Variants in FRMPD3 observed in about 807,000 individuals in gnomAD.
FRMPD3 encodes the protein FERM and PDZ domain-containing protein 3.
FRMPD3 carries 42 observed loss-of-function variants against 97.9 expected under a neutral mutation model. That is an observed-to-expected ratio of 0.43 (90% CI 0.34 to 0.55). The LOEUF (loss-of-function observed/expected upper bound fraction) is 0.55, where lower values mean the gene tolerates loss of function less well. Among genes scored for constraint, FRMPD3 ranks in the 20% least tolerant of loss-of-function variants. The probability of loss-of-function intolerance (pLI) is 0.03; values close to 1 mark genes in which losing one functional copy is unlikely to be tolerated. For synonymous variants in FRMPD3, 577 were observed against 581.1 expected, an observed-to-expected ratio of 0.99 and a Z score of 0.10; for missense variants, 1,303 against 1,457.7, an observed-to-expected ratio of 0.89 and a Z score of 1.73.
intron 1 of FRMPD3, among the ~76,000 whole-genome samples, chrX:107,463,260 C>G (rs1233467401): frequency 8.9e-6 from 1 of 112,504 alleles, no homozygotes; most frequent in Admixed American, 9.5e-5. Flanking sequence ...TATTTGAATA[C>G]ACATTTTTAA....
intron 1 of FRMPD3, among the ~76,000 whole-genome samples, chrX:107,522,038 G>A (rs1213200517): frequency 2.7e-5 from 3 of 111,832 alleles, no homozygotes; most frequent in Admixed American, 9.5e-5. Context: ...GGAGGGATCA[G>A]TTTAGCCCAC....
In FRMPD3 at chrX:107,572,908, C is replaced by CTACTACTAA. The variant is rs796610991; in HGVS notation, c.1297-3405_1297-3404insCTACTAATA. Among the ~76,000 whole-genome samples the CTACTACTAA allele has an allele frequency of 5.6e-3, 570 of 100,989 alleles. 8 individuals carry two copies. Among genetic ancestry groups the CTACTACTAA allele is most frequent in the African/African-American group, 0.02 (536 of 26,759 alleles). 87.7% of individuals were successfully genotyped at this position (100,989 alleles called of 115,157 possible). On this transcript the variant is annotated intron_variant, in intron 12 of 14. Transcript: ENST00000683843. ...ACTACTACTACTACTACTACTACTA[C>CTACTACTAA]TAATAATAATAATAATAATAAAGTA...
intron 1 of FRMPD3, among the ~76,000 whole-genome samples, chrX:107,509,427 C>T: frequency 9.0e-6 from 1 of 111,386 alleles, no homozygotes; most frequent in Non-Finnish European, 1.9e-5. Flanking sequence ...CTGGGCTGTG[C>T]CCCGGTTGTC....
chrX:107,525,905 A>T (rs373460283), intron 1 of FRMPD3, among the ~76,000 whole-genome samples: 108 of 109,050 alleles, frequency 9.9e-4, no homozygotes, highest in African/African-American at 3.5e-3. Context: ...GCGAAACCCC[A>T]CCTCTACTAA....
chrX:107,465,639 G>A (rs185404140), intron 1 of FRMPD3, among the ~76,000 whole-genome samples: 1 of 111,323 alleles, frequency 9.0e-6, no homozygotes, highest in African/African-American at 3.3e-5. Flanking sequence ...ATAATGTGTG[G>A]CACAAAACAG....
chrX:107,459,880 TACATACAC>T (rs1931436679), intron 1 of FRMPD3, among the ~76,000 whole-genome samples: 1 of 55,693 alleles, frequency 1.8e-5, no homozygotes, highest in African/African-American at 8.1e-5. Context: ...CACGCAAGCA[TACATACAC>T]ACACACACAC....
chrX:107,451,244 CG>C (rs942632635), intron 1 of FRMPD3, among the ~76,000 whole-genome samples: 1 of 111,990 alleles, frequency 8.9e-6, no homozygotes, highest in African/African-American at 3.2e-5. Context: ...TTACGGAGGG[CG>C]GGGCAGTCTC....
chrX:107,460,424 T>A (rs1931450098), intron 1 of FRMPD3, among the ~76,000 whole-genome samples: 1 of 108,918 alleles, frequency 9.2e-6, no homozygotes, highest in Non-Finnish European at 1.9e-5. Context: ...AGGATCTCGG[T>A]CTGTTGCCTA....
chrX:107,601,269 C>A lies in FRMPD3; in HGVS notation c.3230C>A (p.Ala1077Asp), dbSNP rs1474229380. ...AGCCGAGAGTCAGTGGGCAAGCAAGCTACAGGGGAGGTGGCAGGCAAAGGC... is the reference window on the plus strand; with the variant it reads ...AGCCGAGAGTCAGTGGGCAAGCAAGATACAGGGGAGGTGGCAGGCAAAGGC... ...RTSRESVGKQ[A>D]TGEVAGKGGP... is the part of the protein sequence containing the mutation. Residue 1077 changes from alanine to aspartate, a missense_variant, in exon 15 of 15, where the codon GCT becomes GAT. Ala to Asp is a moderately radical substitution (Grantham distance 126). This residue lies in a region of FRMPD3 where 764 missense variants were observed against 820.2 expected (regional missense o/e 0.93). Transcript: ENST00000683843. 1 of 1,208,035 alleles carries A rather than the reference C, an allele frequency of 8.3e-7. No individual in the cohort carries two copies. The highest frequency in any genetic ancestry group is 2.2e-5 in the Admixed American group (1 of 45,710).
chrX:107,454,156 G>A (rs1931338443), intron 1 of FRMPD3, among the ~76,000 whole-genome samples: 1 of 111,159 alleles, frequency 9.0e-6, no homozygotes, highest in African/African-American at 3.3e-5. Context: ...CTAATATCTG[G>A]GTCTCCTTCC....
chrX:107,560,121 A>T (rs753831909), intron 8 of FRMPD3, 136 bp from the exon 9 acceptor site: 3 of 716,051 alleles, frequency 4.2e-6, no homozygotes, highest in Non-Finnish European at 6.2e-6. Context: ...CTCCAAGGGG[A>T]GCTCCTTCCT....
chrX:107,477,909 TC>T (rs1921243331), intron 1 of FRMPD3, among the ~76,000 whole-genome samples: 1 of 111,418 alleles, frequency 9.0e-6, no homozygotes, highest in African/African-American at 3.3e-5. Flanking sequence ...ATTACTCATC[TC>T]CATCTTATGC....
At chrX:107,524,995 CAAAAAAAAAAAAA>C (rs750900204) in intron 1 of FRMPD3, among the ~76,000 whole-genome samples, 2 of 13,734 alleles carry the variant, frequency 1.5e-4, no homozygotes, top group Non-Finnish European at 2.1e-4. Flanking sequence ...GACTCCATCT[CAAAAAAAAAAAAA>C]AAAAAAAAAA....
chrX:107,598,224 A>C, intron 14 of FRMPD3, 82 bp downstream of exon 14: 1 of 857,990 alleles, frequency 1.2e-6, no homozygotes, highest in Non-Finnish European at 1.7e-6. Flanking sequence ...GTCTTCCCAA[A>C]TAGGTGTCAG....
intron 1 of FRMPD3, among the ~76,000 whole-genome samples, chrX:107,490,654 A>T (rs1356516474): frequency 8.9e-6 from 1 of 111,920 alleles, no homozygotes; most frequent in African/African-American, 3.3e-5. Context: ...TTATTGGTGT[A>T]TAAGAATGCT....
chrX:107,477,986 C>T (rs1921246575), intron 1 of FRMPD3, among the ~76,000 whole-genome samples: 1 of 111,485 alleles, frequency 9.0e-6, no homozygotes. Flanking sequence ...CCACCTAGAT[C>T]CTCATCTCCT....
intron 9 of FRMPD3, 84 bp downstream of exon 9, chrX:107,560,477 T>G: frequency 9.0e-7 from 1 of 1,114,555 alleles, no homozygotes; most frequent in Non-Finnish European, 1.2e-6. Context: ...GCTATGCTTT[T>G]CAGAAATGTA....
At chrX:107,464,213 C>T (rs1375794110) in intron 1 of FRMPD3, among the ~76,000 whole-genome samples, 1 of 111,828 alleles carries the variant, frequency 8.9e-6, no homozygotes, top group Non-Finnish European at 1.9e-5. Flanking sequence ...CTCTAATTAG[C>T]ACATTTTTTG....
intron 1 of FRMPD3, among the ~76,000 whole-genome samples, chrX:107,496,793 G>C (rs1202853081): frequency 8.9e-6 from 1 of 111,975 alleles, no homozygotes; most frequent in Non-Finnish European, 1.9e-5. Flanking sequence ...CTATGGGGCT[G>C]CAGCTGAAAA....
Sources: gnomAD v4.1 joint callset for allele counts (sites outside exome capture counted in the v4.1 genomes callset) on GRCh38, gnomAD v4.1.1 for gene constraint, gnomAD v4.1.1 regional missense constraint, MANE v1.5 for transcripts, NCBI Gene and HGNC (gene_info 2026-07-23, HGNC 2026-07-21) for gene names.